Variants in CDK14 observed in about 807,000 individuals in gnomAD.
CDK14 encodes the protein cyclin-dependent kinase 14.
CDK14 carries 34 observed loss-of-function variants against 60.7 expected under a neutral mutation model. The ratio of observed to expected loss-of-function variants is 0.56; its 90% CI spans 0.43 to 0.75. The LOEUF (loss-of-function observed/expected upper bound fraction) is 0.75, where lower values mean the gene tolerates loss of function less well. Ranked by LOEUF, CDK14 falls within the 30% of genes least tolerant of loss-of-function variation. The pLI is 0.00. For synonymous variants in CDK14, 197 were observed against 203.7 expected, an observed-to-expected ratio of 0.97 and a Z score of 0.28; for missense variants, 482 against 564.1, an observed-to-expected ratio of 0.85 and a Z score of 1.47.
Position 91,082,807 on chromosome 7 carries a change from T to A in CDK14, c.1154+3327T>A, listed in dbSNP as rs546121587. ...AATATTCGGAGGAATAACGTAACTT[T>A]CACTCTGTATTTATGTTGGTGGTGC... On this transcript the variant is annotated intron_variant, in intron 12 of 14. Transcript: ENST00000380050. 3.0e-4 allele frequency among the ~76,000 whole-genome samples: 45 copies of A among 152,328 alleles called. 1 individual carries two copies. The South Asian group carries it at 5.0e-3, about 17-fold the overall frequency.
chr7:90,864,315 A>T (rs937382980), intron 6 of CDK14, among the ~76,000 whole-genome samples: 1 of 152,158 alleles, frequency 6.6e-6, no homozygotes, highest in Non-Finnish European at 1.5e-5. Context: ...TGCATATATT[A>T]TGTGGTACCA....
At position 90,644,106 on chromosome 7, in the gene CDK14, G is replaced by A. The variant is rs747468214; in HGVS notation, c.123+39857G>A. 4.6e-5 allele frequency among the ~76,000 whole-genome samples: 7 copies of A among 152,138 alleles called. 1 individual carries two copies. The highest frequency in any genetic ancestry group is 1.3e-4 in the Admixed American group (2 of 15,268). Reference sequence around the variant, plus strand: ...AGAGAACTCTCTCTCCCTCTACTCCGTGTGAGTATACAGCAGGAAGGCAGA... The same window carrying A: ...AGAGAACTCTCTCTCCCTCTACTCCATGTGAGTATACAGCAGGAAGGCAGA... On this transcript the variant is annotated intron_variant, in intron 2 of 14. Coordinates refer to ENST00000380050, the MANE Select transcript of CDK14 (RefSeq NM_001287135.2).
rs919631151 is a variant in CDK14 at position 91,149,283 on chromosome 7, T to TA, written c.*28+31087dup. ...CGTGCCATTCACTTTGGGAGCTTCA[T>TA]AAAAAAAAAAAAGGCACCACTTTCA... On this transcript the variant is annotated intron_variant, in intron 14 of 14. Coordinates refer to ENST00000380050, the MANE Select transcript of CDK14 (RefSeq NM_001287135.2). Among the ~76,000 whole-genome samples, 1,186 of 142,920 alleles carry TA rather than the reference T, an allele frequency of 8.3e-3. 12 individuals carry two copies. The highest frequency in any genetic ancestry group is 0.04 in the Middle Eastern group (11 of 274). The allele number at this position is 142,920 out of a possible 152,430, so 93.8% of individuals were successfully genotyped here.
At chr7:90,750,971 T>G (rs1803818450) in intron 4 of CDK14, among the ~76,000 whole-genome samples, 1 of 152,282 alleles carries the variant, frequency 6.6e-6, no homozygotes, top group African/African-American at 2.4e-5. Flanking sequence ...ACCAATCTTC[T>G]TAACCCAGAC....
intron 2 of CDK14, among the ~76,000 whole-genome samples, chr7:90,611,109 A>G (rs906848315): frequency 2.0e-5 from 3 of 150,876 alleles, no homozygotes; most frequent in African/African-American, 4.9e-5. Context: ...CCTCTTTTCT[A>G]CTCCAGAAGC....
At chr7:91,174,290 A>G (rs1319441281) in intron 14 of CDK14, among the ~76,000 whole-genome samples, 1 of 152,038 alleles carries the variant, frequency 6.6e-6, no homozygotes, top group African/African-American at 2.4e-5. Flanking sequence ...GGACATCCAC[A>G]CCAAAAACCC....
At chr7:90,836,463 G>C (rs777011624) in intron 5 of CDK14, among the ~76,000 whole-genome samples, 2 of 151,958 alleles carry the variant, frequency 1.3e-5, no homozygotes, top group Non-Finnish European at 2.9e-5. Context: ...CTTCCACCTC[G>C]ATGTCTTGTC....
At chr7:90,877,329 T>C (rs1273059202) in intron 6 of CDK14, among the ~76,000 whole-genome samples, 5 of 152,212 alleles carry the variant, frequency 3.3e-5, no homozygotes, top group Non-Finnish European at 7.3e-5. Flanking sequence ...TTCTAGTGAG[T>C]AATTTACTCC....
intron 14 of CDK14, among the ~76,000 whole-genome samples, chr7:91,154,178 T>A (rs183589250): frequency 0.024 from 3,677 of 151,958 alleles, 131 homozygotes; most frequent in African/African-American, 0.081. Flanking sequence ...CTTTTTTTTT[T>A]TAAACAGAAT....
At chr7:90,984,309 C>T (rs1795318766) in intron 10 of CDK14, 68 bp downstream of exon 10, 1 of 952,578 alleles carries the variant, frequency 1.0e-6, no homozygotes, top group South Asian at 1.3e-5. Flanking sequence ...ACAAATTCTA[C>T]AGCAGTCTGT....
chr7:91,007,373 C>T (rs1295440639), intron 10 of CDK14, among the ~76,000 whole-genome samples: 1 of 152,202 alleles, frequency 6.6e-6, no homozygotes, highest in African/African-American at 2.4e-5. Flanking sequence ...CCAGACTTTC[C>T]TGGGACTTAC....
intron 9 of CDK14, among the ~76,000 whole-genome samples, chr7:90,965,050 G>A (rs940879312): frequency 2.0e-5 from 3 of 151,794 alleles, no homozygotes; most frequent in South Asian, 2.1e-4. Flanking sequence ...CTTTTTTTAC[G>A]TCTCCTTTCC....
At chr7:90,649,366 TTTCCTTCCTTCC>T (rs869197484) in intron 2 of CDK14, among the ~76,000 whole-genome samples, 1 of 22,178 alleles carries the variant, frequency 4.5e-5, no homozygotes, top group South Asian at 2.1e-3. Flanking sequence ...CCTTCCTTCC[TTTCCTTCCTTCC>T]TTCCTTCCTT....
At chr7:90,796,308 G>A (rs537290703) in intron 5 of CDK14, among the ~76,000 whole-genome samples, 1 of 152,282 alleles carries the variant, frequency 6.6e-6, no homozygotes, top group Admixed American at 6.5e-5. Flanking sequence ...CAGTCATTCA[G>A]TGTGTTGCAG....
At chr7:90,946,134 A>G (rs928231276) in intron 8 of CDK14, among the ~76,000 whole-genome samples, 1 of 152,202 alleles carries the variant, frequency 6.6e-6, no homozygotes, top group Non-Finnish European at 1.5e-5. Flanking sequence ...ATAAATAAGA[A>G]TATTATAGAA....
intron 11 of CDK14, among the ~76,000 whole-genome samples, chr7:91,062,001 G>A (rs1273654377): frequency 6.6e-6 from 1 of 152,230 alleles, no homozygotes; most frequent in Non-Finnish European, 1.5e-5. Context: ...CCCAGAGGTG[G>A]AGACTACAGA....
chr7:91,034,312 A>G (rs1796849428), intron 10 of CDK14, among the ~76,000 whole-genome samples: 1 of 152,134 alleles, frequency 6.6e-6, no homozygotes, highest in Admixed American at 6.5e-5. Context: ...ACCTTGGACC[A>G]GTTAAATAGG....
chr7:90,710,646 C>T (rs376790283), intron 2 of CDK14: 58 of 660,538 alleles, frequency 8.8e-5, no homozygotes, highest in East Asian at 8.2e-4. Context: ...TGCAGTTCTG[C>T]GTGAAGTGCC....
intron 11 of CDK14, among the ~76,000 whole-genome samples, chr7:91,051,792 A>T (rs1360477362): frequency 6.6e-6 from 1 of 152,206 alleles, no homozygotes; most frequent in Admixed American, 6.5e-5. Flanking sequence ...AGGCTCCCCT[A>T]TGTGAATCCC....
Sources: gnomAD v4.1 joint callset for allele counts (sites outside exome capture counted in the v4.1 genomes callset) on GRCh38, gnomAD v4.1.1 for gene constraint, MANE v1.5 for transcripts, NCBI Gene and HGNC (gene_info 2026-07-23, HGNC 2026-07-21) for gene names.